Variants in DIPK1A observed in about 807,000 individuals in gnomAD.
DIPK1A encodes the protein divergent protein kinase domain 1A.
In DIPK1A, 27 loss-of-function variants were observed where a neutral mutation model predicts 40.8. That is an observed-to-expected ratio of 0.66 (90% CI 0.49 to 0.91). The LOEUF (loss-of-function observed/expected upper bound fraction) is 0.91. Ranked by LOEUF, DIPK1A falls within the 40% of genes least tolerant of loss-of-function variation. The probability of loss-of-function intolerance (pLI) is 0.00; values close to 1 mark genes in which losing one functional copy is unlikely to be tolerated. For missense variants in DIPK1A, 412 were observed against 505.7 expected, an observed-to-expected ratio of 0.81 and a Z score of 1.78; for synonymous variants, 166 against 171.3, an observed-to-expected ratio of 0.97 and a Z score of 0.24.
At chr1:92,891,298 T>G (rs2100802034) in intron 1 of DIPK1A, among the ~76,000 whole-genome samples, 1 of 152,216 alleles carries the variant, frequency 6.6e-6, no homozygotes, top group Non-Finnish European at 1.5e-5. Context: ...TTTTGTGGTT[T>G]TTTTTTAGTT....
At chr1:92,846,383 C>T (rs2100714229) in intron 4 of DIPK1A, among the ~76,000 whole-genome samples, 1 of 152,186 alleles carries the variant, frequency 6.6e-6, no homozygotes, top group African/African-American at 2.4e-5. Context: ...CTTATTCTGC[C>T]TATCTAGCGG....
chr1:92,876,618 T>C (rs1005059370), intron 1 of DIPK1A, among the ~76,000 whole-genome samples, 188 bp from the exon 2 acceptor site: 1 of 152,170 alleles, frequency 6.6e-6, no homozygotes, highest in Non-Finnish European at 1.5e-5. Context: ...GGAAGCTCCT[T>C]GGTCCTGCCA....
At chr1:92,838,956 A>G (rs562619497), downstream of DIPK1A, among the ~76,000 whole-genome samples, 11 of 152,034 alleles carry the variant, frequency 7.2e-5, no homozygotes, top group Non-Finnish European at 1.2e-4. Flanking sequence ...CATTGATTGA[A>G]TAATTTTAGA....
intron 1 of DIPK1A, among the ~76,000 whole-genome samples, chr1:92,946,006 A>C (rs1038294815): frequency 6.6e-6 from 1 of 152,186 alleles, no homozygotes; most frequent in Non-Finnish European, 1.5e-5. Flanking sequence ...ATGATTTCTA[A>C]ATACAAGGGA....
chr1:92,843,544 G>A lies in DIPK1A; in HGVS notation c.1126C>T (p.Arg376Cys), dbSNP rs759090757. ...TCACGAATTTCACTTGGAGCACCAC[G>A]CAGTAGGTAGTCTTTGAGTAACTGA... ...ACQLLKDYLL[R>C]GAPSEIREEL... The change falls in exon 5 of 5, where the codon CGT (arginine) becomes TGT (cysteine). Residue 376 changes from arginine to cysteine, a missense_variant. By Grantham distance (180) the Arg-to-Cys change is radical. Coordinates refer to ENST00000370310, the MANE Select transcript of DIPK1A (RefSeq NM_001006605.5). The A allele has an allele frequency of 2.4e-5, 38 of 1,552,038 alleles. 1 individual carries two copies. The highest frequency in any genetic ancestry group is 1.7e-4 in the Middle Eastern group (1 of 5,994).
At chr1:92,895,699 T>A (rs1356409201) in intron 1 of DIPK1A, among the ~76,000 whole-genome samples, 4 of 152,066 alleles carry the variant, frequency 2.6e-5, no homozygotes, top group South Asian at 4.2e-4. Flanking sequence ...GATTAGGAAA[T>A]GAGGAAGTCA....
intron 1 of DIPK1A, among the ~76,000 whole-genome samples, chr1:92,952,619 T>C (rs1651676993): frequency 6.6e-6 from 1 of 151,894 alleles, no homozygotes; most frequent in Non-Finnish European, 1.5e-5. Flanking sequence ...AAGCAAGACT[T>C]TGCCTGAAAA....
intron 3 of DIPK1A, among the ~76,000 whole-genome samples, chr1:92,849,895 A>G (rs1183314187): frequency 1.3e-5 from 2 of 152,016 alleles, no homozygotes; most frequent in Non-Finnish European, 1.5e-5. Flanking sequence ...GACTAAAGCA[A>G]TCCACCCACC....
At chr1:92,898,326 C>A (rs892766137) in intron 1 of DIPK1A, among the ~76,000 whole-genome samples, 1 of 152,048 alleles carries the variant, frequency 6.6e-6, no homozygotes, top group African/African-American at 2.4e-5. Context: ...ACAACCAGAT[C>A]TCACATGAAC....
At chr1:92,884,366 T>C (rs745528913) in intron 1 of DIPK1A, among the ~76,000 whole-genome samples, 2 of 152,054 alleles carry the variant, frequency 1.3e-5, no homozygotes, top group South Asian at 2.1e-4. Flanking sequence ...GGTAGGAGGA[T>C]TGCTTAAGCC....
Position 92,919,399 on chromosome 1 carries a change from T to C in DIPK1A, c.54+41977A>G, listed in dbSNP as rs1650187248. Among the ~76,000 whole-genome samples, 6 of 152,330 alleles carry C rather than the reference T, an allele frequency of 3.9e-5. 1 individual carries two copies. The highest frequency in any genetic ancestry group is 3.3e-4 in the Admixed American group (5 of 15,306). Reference sequence around the variant, plus strand: ...TGCTGCAACAATACCAAAGTACTTATTGTTTCTGGAAGACATGGTCCTTTC... The same window carrying C: ...TGCTGCAACAATACCAAAGTACTTACTGTTTCTGGAAGACATGGTCCTTTC... On this transcript the variant is annotated intron_variant, in intron 1 of 4. Transcript: ENST00000370310.
intron 1 of DIPK1A, among the ~76,000 whole-genome samples, chr1:92,947,113 CTATTA>C (rs758012322): frequency 6.6e-6 from 1 of 151,932 alleles, no homozygotes; most frequent in Non-Finnish European, 1.5e-5. Context: ...CTATACTCAT[CTATTA>C]TATGTATATA....
chr1:92,916,982 A>G (rs1425698668), intron 1 of DIPK1A, among the ~76,000 whole-genome samples: 1 of 152,174 alleles, frequency 6.6e-6, no homozygotes, highest in Non-Finnish European at 1.5e-5. Flanking sequence ...TTCATTATCC[A>G]CTTTCCTTTC....
chr1:92,878,356 AC>A (rs1422957345), intron 1 of DIPK1A, among the ~76,000 whole-genome samples: 2 of 152,102 alleles, frequency 1.3e-5, no homozygotes, highest in African/African-American at 4.8e-5. Context: ...ATCAGTCTGG[AC>A]AATATAGTGA....
At chr1:92,873,252 A>G (rs1435213036) in intron 2 of DIPK1A, among the ~76,000 whole-genome samples, 1 of 152,142 alleles carries the variant, frequency 6.6e-6, no homozygotes, top group Admixed American at 6.6e-5. Context: ...TTAAGACTGT[A>G]TATTTCAATT....
intron 1 of DIPK1A, among the ~76,000 whole-genome samples, chr1:92,906,195 A>G (rs1316153293): frequency 6.6e-6 from 1 of 152,098 alleles, no homozygotes; most frequent in Non-Finnish European, 1.5e-5. Context: ...AGCTAGCTTG[A>G]TACTGTTTTA....
rs576643646 is a variant in DIPK1A, at chr1:92,960,367, C to A, written c.54+1009G>T. Among the ~76,000 whole-genome samples the A allele has an allele frequency of 7.6e-4, 116 of 152,228 alleles. 1 individual carries two copies. The highest frequency in any genetic ancestry group is 1.0e-3 in the Non-Finnish European group (68 of 68,030). ...TAATTTATAAAAGCACCAGCTGACC[C>A]CAAATCATCTACCTCTTGGCCTTTT... On this transcript the variant is annotated intron_variant, in intron 1 of 4. Coordinates refer to ENST00000370310, the MANE Select transcript of DIPK1A (RefSeq NM_001006605.5).
chr1:92,869,320 C>A (rs937203312), intron 2 of DIPK1A, among the ~76,000 whole-genome samples: 1 of 151,870 alleles, frequency 6.6e-6, no homozygotes, highest in African/African-American at 2.4e-5. Flanking sequence ...GCCACCATGC[C>A]CAGCTAACTT....
At chr1:92,890,189 C>T (rs1024885554) in intron 1 of DIPK1A, among the ~76,000 whole-genome samples, 1 of 152,020 alleles carries the variant, frequency 6.6e-6, no homozygotes, top group Non-Finnish European at 1.5e-5. Context: ...TTACTGAATT[C>T]ATTGATTAGT....
Sources: allele counts gnomAD v4.1 joint callset (sites outside exome capture counted in the v4.1 genomes callset), GRCh38; gene constraint gnomAD v4.1.1; transcripts MANE v1.5; gene names NCBI Gene and HGNC (gene_info 2026-07-23, HGNC 2026-07-21).